Variants in BACE2 observed in about 807,000 individuals in gnomAD.
BACE2 encodes the protein 56 kDa aspartic-like protease.
A neutral mutation model predicts 46.2 loss-of-function variants in BACE2; 17 were observed. That is an observed-to-expected ratio of 0.37 (90% CI 0.25 to 0.55). The LOEUF (loss-of-function observed/expected upper bound fraction) is 0.55. BACE2 is among the 20% of genes least tolerant of loss of function. The probability of loss-of-function intolerance (pLI) is 0.82; values close to 1 mark genes in which losing one functional copy is unlikely to be tolerated. For synonymous variants in BACE2, 277 were observed against 295.9 expected, an observed-to-expected ratio of 0.94 and a Z score of 0.66; for missense variants, 595 against 698.1, an observed-to-expected ratio of 0.85 and a Z score of 1.66.
At chr21:41,211,263 G>A (rs1986293989) in intron 1 of BACE2, among the ~76,000 whole-genome samples, 1 of 150,246 alleles carries the variant, frequency 6.7e-6, no homozygotes, top group African/African-American at 2.5e-5. Context: ...CTCAACATGT[G>A]TCTTTCTAGT....
At chr21:41,182,844 T>C in intron 1 of BACE2, 1 of 167,232 alleles carries the variant, frequency 6.0e-6, no homozygotes, top group South Asian at 2.1e-4. Context: ...AAAATTACTC[T>C]TTCTTTATAT....
chr21:41,229,018 G>A (rs1303993358), intron 2 of BACE2, among the ~76,000 whole-genome samples: 1 of 152,208 alleles, frequency 6.6e-6, no homozygotes, highest in African/African-American at 2.4e-5. Context: ...TGTGGGATGG[G>A]AACAATACTT....
chr21:41,189,821 G>T (rs1233058396), intron 1 of BACE2, among the ~76,000 whole-genome samples: 1 of 152,164 alleles, frequency 6.6e-6, no homozygotes, highest in South Asian at 2.1e-4. Flanking sequence ...ATAAAGGGGA[G>T]TTTATTAAGT....
intron 1 of BACE2, among the ~76,000 whole-genome samples, chr21:41,173,983 C>G (rs976234481): frequency 6.6e-6 from 1 of 151,750 alleles, no homozygotes; most frequent in East Asian, 1.9e-4. Flanking sequence ...GAAACAGGTG[C>G]TTCCCCCCAT....
chr21:41,249,027 T>A (rs1053273762), intron 6 of BACE2, among the ~76,000 whole-genome samples: 1 of 152,168 alleles, frequency 6.6e-6, no homozygotes, highest in African/African-American at 2.4e-5. Flanking sequence ...CTTAGCCTCA[T>A]CGATACCTCC....
intron 1 of BACE2, among the ~76,000 whole-genome samples, chr21:41,198,395 T>G (rs1275947240): frequency 6.6e-6 from 1 of 152,222 alleles, no homozygotes; most frequent in Admixed American, 6.5e-5. Flanking sequence ...CCTCGTCTGA[T>G]TCAAGAGAAA....
At chr21:41,200,005 C>G (rs1307456027) in intron 1 of BACE2, among the ~76,000 whole-genome samples, 1 of 137,506 alleles carries the variant, frequency 7.3e-6, no homozygotes, top group African/African-American at 2.8e-5. Flanking sequence ...CACATGGGCA[C>G]AGGAAGGGGA....
intron 6 of BACE2, among the ~76,000 whole-genome samples, chr21:41,248,264 G>A (rs1438531616): frequency 6.6e-6 from 1 of 152,228 alleles, no homozygotes; most frequent in Non-Finnish European, 1.5e-5. Context: ...TGATCTGAGG[G>A]TCGAAACTGG....
intron 2 of BACE2, among the ~76,000 whole-genome samples, chr21:41,232,205 C>T (rs1338974340): frequency 1.3e-5 from 2 of 152,062 alleles, no homozygotes; most frequent in Admixed American, 6.5e-5. Context: ...ATATTTCTGT[C>T]GTCACAGGAG....
At position 41,278,456 on chromosome 21, in the gene BACE2, G is replaced by C. The variant is rs370922072; in HGVS notation, c.*2832G>C. 3 of 152,324 alleles carry C rather than the reference G, an allele frequency of 2.0e-5. No individual in the cohort carries two copies. The highest frequency in any genetic ancestry group is 7.2e-5 in the African/African-American group (3 of 41,564). 9.4% of individuals were successfully genotyped at this position (152,324 alleles called of 1,614,324 possible). ...CCAAAACCAAGTACTTAGCACTCAA[G>C]AAACAGATGCCCTGTGTGTGACCGA... On this transcript the variant is annotated 3_prime_UTR_variant, in exon 9 of 9. Coordinates refer to ENST00000330333, the MANE Select transcript of BACE2 (RefSeq NM_012105.5).
intron 6 of BACE2, among the ~76,000 whole-genome samples, chr21:41,247,658 C>A (rs918867927): frequency 6.6e-6 from 1 of 152,192 alleles, no homozygotes; most frequent in Non-Finnish European, 1.5e-5. Flanking sequence ...AGAGGCGGGG[C>A]GGCGGGGCCG....
rs577177346 is a variant in BACE2 at position 41,254,725 on chromosome 21, C to T, written c.1135-2433C>T. On this transcript the variant is annotated intron_variant, in intron 7 of 8. Coordinates refer to ENST00000330333, the MANE Select transcript of BACE2 (RefSeq NM_012105.5). ...TCTTGGCTCCAGGGATATCAATGGCCGACTCATCTTCATTTAACACTGCAC... is the reference window on the plus strand; with the variant it reads ...TCTTGGCTCCAGGGATATCAATGGCTGACTCATCTTCATTTAACACTGCAC... Among the ~76,000 whole-genome samples, 62 of 152,352 alleles carry T rather than the reference C, an allele frequency of 4.1e-4. 1 individual carries two copies. In the South Asian group the frequency reaches 0.011, roughly 28 times the overall value.
chr21:41,250,972 T>TC, intron 7 of BACE2, 71 bp downstream of exon 7: 1 of 1,394,272 alleles, frequency 7.2e-7, no homozygotes, highest in Non-Finnish European at 1.0e-6. Flanking sequence ...ATGACACGTG[T>TC]ATTAGATGTC....
chr21:41,175,234 G>A (rs1984776324), intron 1 of BACE2: 1 of 152,210 alleles, frequency 6.6e-6, no homozygotes, highest in Non-Finnish European at 1.5e-5. Context: ...CCCCGGGTGG[G>A]ATGTTTTCAG....
rs1601279378 is a variant in BACE2 at position 41,218,273 on chromosome 21, C to T, written c.313-7993C>T. 3.3e-5 allele frequency among the ~76,000 whole-genome samples: 5 copies of T among 152,242 alleles called. No homozygotes were observed. The East Asian group carries it at 5.8e-4, about 18-fold the overall frequency. ...AAAATAAGACATGCTTTAGATTTCT[C>T]CACAAATACTCACTGTTGAAATACA... On this transcript the variant is annotated intron_variant, in intron 1 of 8. Coordinates refer to ENST00000330333, the MANE Select transcript of BACE2 (RefSeq NM_012105.5).
At chr21:41,203,336 G>A (rs1986019873) in intron 1 of BACE2, among the ~76,000 whole-genome samples, 1 of 152,116 alleles carries the variant, frequency 6.6e-6, no homozygotes. Flanking sequence ...GGAGGGGTGG[G>A]AGAGCAAGGT....
At chr21:41,209,678 CAGAG>C (rs1986239303) in intron 1 of BACE2, among the ~76,000 whole-genome samples, 2 of 152,112 alleles carry the variant, frequency 1.3e-5, no homozygotes, top group Non-Finnish European at 2.9e-5. Flanking sequence ...GGCTGAGGCT[CAGAG>C]AGGGTGGCAA....
intron 1 of BACE2, among the ~76,000 whole-genome samples, chr21:41,204,290 C>T (rs1466268296): frequency 1.3e-5 from 2 of 152,288 alleles, no homozygotes; most frequent in East Asian, 3.9e-4. Context: ...ATCTGGCCAC[C>T]TCGGCCCCCC....
At chr21:41,235,012 T>C (rs1459766233) in intron 2 of BACE2, among the ~76,000 whole-genome samples, 2 of 152,250 alleles carry the variant, frequency 1.3e-5, no homozygotes, top group Non-Finnish European at 2.9e-5. Flanking sequence ...CATCTTTATA[T>C]TCTGTACCCC....
Sources: gnomAD v4.1 joint callset for allele counts (sites outside exome capture counted in the v4.1 genomes callset) on GRCh38, gnomAD v4.1.1 for gene constraint, MANE v1.5 for transcripts, NCBI Gene and HGNC (gene_info 2026-07-23, HGNC 2026-07-21) for gene names.